The following KAZN variants were observed in gnomAD, a reference collection of about 807,000 sequenced individuals.
The protein encoded by KAZN is kazrin, periplakin interacting protein.
In KAZN, 40 loss-of-function variants were observed where a neutral mutation model predicts 87.4. That is an observed-to-expected ratio of 0.46 (90% CI 0.36 to 0.60). The LOEUF is 0.60. Among genes scored for constraint, KAZN ranks in the 20% least tolerant of loss-of-function variants. The pLI is 0.00. For synonymous variants in KAZN, 466 were observed against 458.3 expected (o/e 1.02, Z -0.22); for missense variants, 898 against 1,073.9 (o/e 0.84, Z 2.29).
At chr1:14,236,068 T>C (rs1648394146) in intron 2 of KAZN, among the ~76,000 whole-genome samples, 1 of 152,088 alleles carries the variant, frequency 6.6e-6, no homozygotes, top group Non-Finnish European at 1.5e-5. Context: ...CTCCTTCCCC[T>C]TAATTTCCAG....
chr1:14,571,569 C>T (rs1674865664), intron 2 of KAZN, among the ~76,000 whole-genome samples: 1 of 152,142 alleles, frequency 6.6e-6, no homozygotes, highest in Non-Finnish European at 1.5e-5. Context: ...TTGAACCTTG[C>T]AAGTGTTCTG....
chr1:14,998,666 A>T (rs1157315473), intron 2 of KAZN, among the ~76,000 whole-genome samples: 1 of 152,094 alleles, frequency 6.6e-6, no homozygotes, highest in Non-Finnish European at 1.5e-5. Flanking sequence ...CTCCTGCCTC[A>T]ACCTCCCGAG....
rs184266725 is a variant in KAZN, at chr1:15,079,064, C to A, written c.1222+13311C>A. Among the ~76,000 whole-genome samples, 9 of 152,268 alleles carry A rather than the reference C, an allele frequency of 5.9e-5. No individual in the cohort carries two copies. In the South Asian group the frequency reaches 1.5e-3, roughly 25 times the overall value. On this transcript the variant is annotated intron_variant, in intron 8 of 14. Transcript: ENST00000376030. ...GGTGGGACAGTTTGCATGAATCATGCAAGATAGTCACATAGAAGACAGCAC... is the reference window on the plus strand; with the variant it reads ...GGTGGGACAGTTTGCATGAATCATGAAAGATAGTCACATAGAAGACAGCAC...
chr1:14,045,680 GT>G (rs1557429279), intron 1 of KAZN, among the ~76,000 whole-genome samples: 2 of 152,170 alleles, frequency 1.3e-5, no homozygotes, highest in African/African-American at 4.8e-5. Flanking sequence ...TTACTTCCTA[GT>G]TTGCATTTCC....
chr1:14,939,351 C>T (rs1448144305), intron 1 of KAZN, among the ~76,000 whole-genome samples: 10 of 152,064 alleles, frequency 6.6e-5, no homozygotes, highest in African/African-American at 2.4e-4. Context: ...CTCGCTTCAG[C>T]CTCAAACTCC....
intron 1 of KAZN, among the ~76,000 whole-genome samples, chr1:13,951,622 AGAT>A (rs1557741320): frequency 9.1e-6 from 1 of 110,476 alleles, no homozygotes; most frequent in African/African-American, 3.4e-5. Flanking sequence ...TCTAAAATGG[AGAT>A]AATAATAATA....
chr1:14,288,764 T>C (rs1653454663), intron 2 of KAZN, among the ~76,000 whole-genome samples: 1 of 152,232 alleles, frequency 6.6e-6, no homozygotes, highest in Non-Finnish European at 1.5e-5. Context: ...GTTCTTTTAA[T>C]TGTGATGTTA....
At chr1:14,259,963 C>T (rs965424133) in intron 2 of KAZN, among the ~76,000 whole-genome samples, 1 of 152,138 alleles carries the variant, frequency 6.6e-6, no homozygotes, top group Admixed American at 6.5e-5. Context: ...ACAACGCAAG[C>T]GGATTTTTCT....
intron 1 of KAZN, among the ~76,000 whole-genome samples, chr1:13,983,616 G>A (rs759813962): frequency 8.5e-5 from 13 of 152,342 alleles, no homozygotes; most frequent in East Asian, 7.7e-4. Flanking sequence ...CTCCCACAGC[G>A]AAGCGATGGG....
rs1639203890 is a variant in KAZN at position 15,066,071 on chromosome 1, G to A, written c.1222+318G>A. The A allele has an allele frequency of 1.7e-6, 2 of 1,182,856 alleles. No individual in the cohort carries two copies. Among genetic ancestry groups the A allele is most frequent in the Non-Finnish European group, 2.1e-6 (2 of 956,964 alleles). The allele number at this position is 1,182,856 out of a possible 1,614,324, so 73.3% of individuals were successfully genotyped here. On this transcript the variant is annotated intron_variant, in intron 8 of 14. Transcript: ENST00000376030. This position sits in a 1 kb window ranked among gnomAD's most constrained non-coding sequence, Gnocchi z 4.3. The stretch of plus-strand genomic sequence containing the variant: ...GTCGTCTTTGGAGCGATACAGTTGT[G>A]TTGTTAATCTGGTTTATTATTTTTC...
chr1:14,548,197 C>CA (rs933476864), intron 2 of KAZN, among the ~76,000 whole-genome samples: 1 of 145,230 alleles, frequency 6.9e-6, no homozygotes, highest in African/African-American at 2.6e-5. Flanking sequence ...CCTCTTCGTG[C>CA]ATTTTTTTTT....
At position 15,066,740 on chromosome 1, in the gene KAZN, G is replaced by A; in HGVS notation, c.1222+987G>A. The stretch of plus-strand genomic sequence containing the variant: ...CCATGCTGCTACCCAACTGTGCAAA[G>A]TAGTTTAGGGTGGCCAGAACCCAGG... On this transcript the variant is annotated intron_variant, in intron 8 of 14. Transcript: ENST00000376030. This position sits in a 1 kb window ranked among gnomAD's most constrained non-coding sequence, Gnocchi z 4.3. The A allele has an allele frequency of 1.0e-6, 1 of 985,396 alleles. No homozygotes were observed. Among genetic ancestry groups the A allele is most frequent in the Non-Finnish European group, 1.2e-6 (1 of 829,930 alleles). 61.0% of individuals were successfully genotyped at this position (985,396 alleles called of 1,614,324 possible).
intron 2 of KAZN, among the ~76,000 whole-genome samples, chr1:14,439,838 T>C (rs148104333): frequency 1.3e-5 from 2 of 152,150 alleles, no homozygotes; most frequent in African/African-American, 4.8e-5. Flanking sequence ...CTCTCACTGT[T>C]TGTTCCTCAA....
intron 1 of KAZN, among the ~76,000 whole-genome samples, chr1:14,147,794 C>CA (rs575263344): frequency 0.27 from 37,496 of 136,614 alleles, 5,648 homozygotes; most frequent in East Asian, 0.61. Flanking sequence ...GACTCCATCT[C>CA]AAAAAAAAAA....
intron 1 of KAZN, among the ~76,000 whole-genome samples, chr1:14,123,135 C>A (rs1371653205): frequency 6.6e-6 from 1 of 152,234 alleles, no homozygotes; most frequent in Non-Finnish European, 1.5e-5. Context: ...CAGCCAGAGT[C>A]TCTTCCTGCT....
At chr1:14,061,413 A>G (rs1196511446) in intron 1 of KAZN, among the ~76,000 whole-genome samples, 1 of 152,248 alleles carries the variant, frequency 6.6e-6, no homozygotes, top group East Asian at 1.9e-4. Context: ...AGGGGTAGAG[A>G]GGGCACAGGC....
At chr1:14,966,674 T>C (rs4661550) in intron 2 of KAZN, among the ~76,000 whole-genome samples, 41,111 of 151,342 alleles carry the variant, frequency 0.27, 5,703 homozygotes, top group South Asian at 0.4. Context: ...TTTACCCACG[T>C]TTTTTTTTCT....
chr1:15,038,850 A>AAC (rs1672619448), intron 3 of KAZN, among the ~76,000 whole-genome samples: 1 of 104,992 alleles, frequency 9.5e-6, no homozygotes, highest in Non-Finnish European at 2.2e-5. Flanking sequence ...TGCTATTACC[A>AAC]ACAGCAGACG....
At chr1:14,785,106 A>G (rs1341742198) in intron 1 of KAZN, among the ~76,000 whole-genome samples, 1 of 151,934 alleles carries the variant, frequency 6.6e-6, no homozygotes, top group Non-Finnish European at 1.5e-5. Flanking sequence ...CCTAAGATTC[A>G]TTTGGCTGCA....
Sources: gnomAD v4.1 joint callset for allele counts (sites outside exome capture counted in the v4.1 genomes callset) on GRCh38, gnomAD v4.1.1 for gene constraint, Gnocchi (gnomAD v3.1) non-coding constraint, MANE v1.5 for transcripts, NCBI Gene and HGNC (gene_info 2026-07-23, HGNC 2026-07-21) for gene names.